Variants in ELAVL2 observed in about 807,000 individuals in gnomAD.
ELAVL2 encodes the protein ELAV-like protein 2.
Under a neutral mutation model 34.6 loss-of-function variants are expected in ELAVL2, and 4 were observed. The observed-to-expected ratio is 0.12, with a 90% CI of 0.06 to 0.26. The LOEUF is 0.26. ELAVL2 is among the 10% of genes least tolerant of loss of function. The pLI is 1.00. For missense variants in ELAVL2, 432 were observed against 442.8 expected, an observed-to-expected ratio of 0.98 and a Z score of 0.22; for synonymous variants, 193 against 154.8, an observed-to-expected ratio of 1.25 and a Z score of -1.83.
chr9:23,709,908 A>C (rs770610909), intron 3 of ELAVL2, among the ~76,000 whole-genome samples: 7 of 152,196 alleles, frequency 4.6e-5, no homozygotes, highest in African/African-American at 1.2e-4. Flanking sequence ...ATCTACTCCA[A>C]AGATAGCAAT....
intron 3 of ELAVL2, among the ~76,000 whole-genome samples, chr9:23,720,163 T>C (rs1373412701): frequency 1.3e-5 from 2 of 149,418 alleles, no homozygotes; most frequent in South Asian, 4.3e-4. Context: ...CCAATCTCTA[T>C]AAGACACCCT....
rs370043823 is a variant in ELAVL2, at chr9:23,740,866, G to A, written c.230-9741C>T. On this transcript the variant is annotated intron_variant, in intron 2 of 6. Coordinates refer to ENST00000397312, the MANE Select transcript of ELAVL2 (RefSeq NM_004432.5). Reference sequence around the variant, plus strand: ...CAAACATGTTTGCTACTGCCAAAACGGTCTCCCACACAAGACATTTCTCTC... The same window carrying A: ...CAAACATGTTTGCTACTGCCAAAACAGTCTCCCACACAAGACATTTCTCTC... Among the ~76,000 whole-genome samples the A allele has an allele frequency of 7.2e-5, 11 of 152,248 alleles. No homozygotes were observed. In the East Asian group the frequency reaches 1.2e-3, roughly 16 times the overall value.
At position 23,747,161 on chromosome 9, in the gene ELAVL2, CT is replaced by C. The variant is rs112771338; in HGVS notation, c.229+14844del. ...ACTGAATCCAACATAATATACACTA[CT>C]TTTTTTTTTCCGATCTGTTAAGATG... On this transcript the variant is annotated intron_variant, in intron 2 of 6. Coordinates refer to ENST00000397312, the MANE Select transcript of ELAVL2 (RefSeq NM_004432.5). 5.7e-3 allele frequency among the ~76,000 whole-genome samples: 855 copies of C among 149,894 alleles called. 3 individuals carry two copies. Among genetic ancestry groups the C allele is most frequent in the Middle Eastern group, 0.01 (3 of 288 alleles).
intron 1 of ELAVL2, among the ~76,000 whole-genome samples, chr9:23,803,240 T>C (rs1298708560): frequency 3.3e-5 from 5 of 152,252 alleles, no homozygotes; most frequent in Admixed American, 1.3e-4. Context: ...CTGCCTTTAA[T>C]GTAAAATTTT....
chr9:23,813,237 C>T (rs2063249288), intron 1 of ELAVL2, among the ~76,000 whole-genome samples: 1 of 152,148 alleles, frequency 6.6e-6, no homozygotes, highest in African/African-American at 2.4e-5. Context: ...GAGCCTCTTT[C>T]TACTTCTGCT....
At chr9:23,830,995 C>T (rs950609820), upstream of ELAVL2, among the ~76,000 whole-genome samples, 1 of 152,132 alleles carries the variant, frequency 6.6e-6, no homozygotes, top group Non-Finnish European at 1.5e-5. Flanking sequence ...CTTTAAGCTT[C>T]CCCCTGGAGC....
intron 3 of ELAVL2, among the ~76,000 whole-genome samples, 197 bp downstream of exon 3, chr9:23,730,825 C>T (rs1363377955): frequency 6.6e-6 from 1 of 152,026 alleles, no homozygotes; most frequent in African/African-American, 2.4e-5. Flanking sequence ...TCCCCCTTTG[C>T]GAATACATGA....
chr9:23,799,521 CCTCAAGTCTGATCA>C (rs2061345017), intron 1 of ELAVL2, among the ~76,000 whole-genome samples: 1 of 152,208 alleles, frequency 6.6e-6, no homozygotes, highest in African/African-American at 2.4e-5. Flanking sequence ...GGCCTACAAT[CCTCAAGTCTGATCA>C]CTGGGTCTCT....
the ELAVL2 span, among the ~76,000 whole-genome samples, chr9:23,845,809 A>AT: frequency 2.0e-5 from 3 of 151,924 alleles, no homozygotes; most frequent in South Asian, 2.1e-4. Context: ...AAGTAAGGCA[A>AT]TTTTTTAAAA....
At position 23,726,836 on chromosome 9, in the gene ELAVL2, C is replaced by A. The variant is rs912439038; in HGVS notation, c.333+4186G>T. On this transcript the variant is annotated intron_variant, in intron 3 of 6. Coordinates refer to ENST00000397312, the MANE Select transcript of ELAVL2 (RefSeq NM_004432.5). ...TTAGATTTTTTTCAATACTTAAGACCCCTAAAAATAAAATGAGTAGAGAAA... is the reference window on the plus strand; with the variant it reads ...TTAGATTTTTTTCAATACTTAAGACACCTAAAAATAAAATGAGTAGAGAAA... Among the ~76,000 whole-genome samples the A allele has an allele frequency of 2.7e-4, 41 of 151,818 alleles. 1 individual carries two copies. Among genetic ancestry groups the A allele is most frequent in the Admixed American group, 1.7e-3 (26 of 15,218 alleles).
intron 4 of ELAVL2, among the ~76,000 whole-genome samples, chr9:23,702,690 G>A (rs918332020): frequency 3.3e-5 from 5 of 151,550 alleles, no homozygotes; most frequent in Non-Finnish European, 5.9e-5. Context: ...CCACATATGC[G>A]TATCTAAGAC....
chr9:23,764,998 A>G (rs2055908656), intron 1 of ELAVL2: 2 of 1,608,664 alleles, frequency 1.2e-6, no homozygotes, highest in African/African-American at 1.3e-5. Flanking sequence ...TTTAAGAAAA[A>G]TCCCACAGAC....
At chr9:23,714,259 G>A (rs570400110) in intron 3 of ELAVL2, among the ~76,000 whole-genome samples, 2 of 152,226 alleles carry the variant, frequency 1.3e-5, no homozygotes, top group East Asian at 1.9e-4. Context: ...TTATCTTTGA[G>A]GTCAGGAAAG....
chr9:23,818,400 T>A (rs948198772), intron 1 of ELAVL2, among the ~76,000 whole-genome samples: 3 of 152,120 alleles, frequency 2.0e-5, no homozygotes, highest in African/African-American at 7.2e-5. Flanking sequence ...CAAGATTGGG[T>A]AGGATGTGCA....
At chr9:23,811,776 C>CA (rs1166713807) in intron 1 of ELAVL2, among the ~76,000 whole-genome samples, 3 of 152,148 alleles carry the variant, frequency 2.0e-5, no homozygotes, top group Non-Finnish European at 4.4e-5. Context: ...GGAATTAAGA[C>CA]AGTCACAGCT....
chr9:23,787,325 T>C (rs1021176763), intron 1 of ELAVL2, among the ~76,000 whole-genome samples: 14 of 151,468 alleles, frequency 9.2e-5, no homozygotes, highest in Admixed American at 3.3e-4. Context: ...AATGGCATGA[T>C]CTTAGCTCAC....
At chr9:23,702,590 A>G (rs1004003666) in intron 4 of ELAVL2, among the ~76,000 whole-genome samples, 5 of 152,098 alleles carry the variant, frequency 3.3e-5, no homozygotes, top group African/African-American at 1.2e-4. Flanking sequence ...AGCTTAAAAA[A>G]AAAAAAAGAA....
intron 1 of ELAVL2, among the ~76,000 whole-genome samples, chr9:23,818,184 C>T (rs576754022): frequency 1.3e-5 from 2 of 152,220 alleles, no homozygotes; most frequent in East Asian, 1.9e-4. Flanking sequence ...CATTTTATGT[C>T]CTCCATAGTG....
intron 1 of ELAVL2, 130 bp from the exon 2 acceptor site, chr9:23,762,379 A>C: frequency 1.7e-6 from 2 of 1,174,340 alleles, no homozygotes; most frequent in South Asian, 3.0e-5. Context: ...GCTTCAACAA[A>C]AAGTGTAATA....
Sources: allele counts gnomAD v4.1 joint callset (sites outside exome capture counted in the v4.1 genomes callset), GRCh38; gene constraint gnomAD v4.1.1; transcripts MANE v1.5; gene names NCBI Gene and HGNC (gene_info 2026-07-23, HGNC 2026-07-21).